The following FBXL19 variants were observed in gnomAD, a reference collection of about 807,000 sequenced individuals.
FBXL19 encodes the protein F-box/LRR-repeat protein 19.
FBXL19 carries 16 observed loss-of-function variants against 71.2 expected under a neutral mutation model. That is an observed-to-expected ratio of 0.22 (90% confidence interval 0.15 to 0.34). FBXL19 has a LOEUF of 0.34. FBXL19 is among the 10% of genes least tolerant of loss of function. The pLI is 1.00. For synonymous variants in FBXL19, 447 were observed against 409.4 expected (o/e 1.09, Z -1.11); for missense variants, 658 against 968.2 (o/e 0.68, Z 4.25).
Position 30,930,034 on chromosome 16 carries a change from C to A in FBXL19, c.790-39C>A, listed in dbSNP as rs1260922734. On this transcript the variant is annotated intron_variant, in intron 6 of 10. Transcript: ENST00000338343. The surrounding 1 kb of genome is among the most constrained non-coding windows in gnomAD (Gnocchi z 8.5). ...GGGGTAGGGGGGTGGGAAAATGTAT[C>A]CCAGGCCCTAGAACAGCATCAACCC... The A allele has an allele frequency of 1.9e-6, 3 of 1,580,474 alleles. No homozygotes were observed. Among genetic ancestry groups the A allele is most frequent in the South Asian group, 1.2e-5 (1 of 86,818 alleles).
chr16:30,933,370 C>T (rs1177975540), intron 7 of FBXL19, among the ~76,000 whole-genome samples: 1 of 152,100 alleles, frequency 6.6e-6, no homozygotes, highest in Admixed American at 6.5e-5. Context: ...AACTCCTGAC[C>T]TCAGGTGATT....
chr16:30,925,624 G>A lies in FBXL19; in HGVS notation c.-24-107G>A. 1 of 1,240,146 alleles carries A rather than the reference G, an allele frequency of 8.1e-7. No individual in the cohort carries two copies. Among genetic ancestry groups the A allele is most frequent in the Non-Finnish European group, 1.0e-6 (1 of 957,034 alleles). The allele number at this position is 1,240,146 out of a possible 1,614,324, so 76.8% of individuals were successfully genotyped here. A position where few individuals can be genotyped will look rare whatever the true frequency, so the allele number is the denominator to read the frequency against. Reference sequence around the variant, plus strand: ...AAGGGGGTGACCTCCTTGTCCCCCTGAGGAAGAGGGCAGGCTCTAGCTGCC... The same window carrying A: ...AAGGGGGTGACCTCCTTGTCCCCCTAAGGAAGAGGGCAGGCTCTAGCTGCC... On this transcript the variant is annotated intron_variant, in intron 1 of 10. Transcript: ENST00000338343. This position sits in a 1 kb window ranked among gnomAD's most constrained non-coding sequence, Gnocchi z 5.0.
chr16:30,922,878 G>A (rs932649997), upstream of FBXL19: 2 of 375,204 alleles, frequency 5.3e-6, no homozygotes, highest in Admixed American at 6.0e-5. Flanking sequence ...CGGGCGAGGT[G>A]CCCAAGGTGG....
At position 30,931,987 on chromosome 16, in the gene FBXL19, C is replaced by T. The variant is rs546642165; in HGVS notation, c.1301+1403C>T. ...AACTCCTGACCTGAAGCGATCCGCC[C>T]GCCTCAGCCTCCCAAAGTGCTGGGA... On this transcript the variant is annotated intron_variant, in intron 7 of 10. Transcript: ENST00000338343. Among the ~76,000 whole-genome samples the T allele has an allele frequency of 9.9e-5, 15 of 151,758 alleles. No homozygotes were observed. The South Asian group carries it at 1.7e-3, about 17-fold the overall frequency.
In FBXL19 at chr16:30,942,233, A is replaced by G. The variant is rs1377071973; in HGVS notation, c.1419A>G (p.Thr473=). 4 of 1,594,168 alleles carry G rather than the reference A, an allele frequency of 2.5e-6. No individual in the cohort carries two copies. The South Asian group carries it at 3.4e-5, about 14-fold the overall frequency. ...RQPRALDLSW[T]GVSKKQLMWL... ...CCCGTGCCCTGGACCTCAGCTGGAC[A>G]GGTGTCTCCAAGAAGCAGCTCATGT... Residue 473 remains threonine, a synonymous_variant, in exon 8 of 11, where the codon ACA becomes ACG. Coordinates refer to ENST00000338343, the MANE Select transcript of FBXL19 (RefSeq NM_001382779.1). The surrounding 1 kb of genome is among the most constrained non-coding windows in gnomAD (Gnocchi z 5.7).
In FBXL19 at chr16:30,948,354, A is replaced by T. The variant is rs190307759; in HGVS notation, c.*1124A>T. ...AATAGCAGCCAACGGACACCTCCCGATGCCAGTGCTAAGGCTGGAAATGGC... is the reference window on the plus strand; with the variant it reads ...AATAGCAGCCAACGGACACCTCCCGTTGCCAGTGCTAAGGCTGGAAATGGC... On this transcript the variant is annotated 3_prime_UTR_variant, in exon 11 of 11. Transcript: ENST00000338343. The T allele has an allele frequency of 6.5e-6, 1 of 152,816 alleles. No individual in the cohort carries two copies. The highest frequency in any genetic ancestry group is 1.5e-5 in the Non-Finnish European group (1 of 68,284). 9.5% of individuals were successfully genotyped at this position (152,816 alleles called of 1,614,324 possible).
chr16:30,938,853 G>C (rs2055766988), intron 7 of FBXL19, among the ~76,000 whole-genome samples: 1 of 151,874 alleles, frequency 6.6e-6, no homozygotes. Context: ...AGCCAGGATG[G>C]TCTCCATCTC....
Position 30,947,069 on chromosome 16 carries a change from G to GACCACTGCC in FBXL19, c.1865_1873dup (p.Cys624_Leu625insHisHisCys). On this transcript the variant is annotated inframe_insertion, in exon 11 of 11. Transcript: ENST00000338343. ...ATCCCCAGGTTGCCACCGCCTAACGGACCACTGCCTCCCGCTGTTCCGCCG... is the reference window on the plus strand; with the variant it reads ...ATCCCCAGGTTGCCACCGCCTAACGGACCACTGCCACCACTGCCTCCCGCTGTTCCGCCG... 1 of 1,595,374 alleles carries GACCACTGCC rather than the reference G, an allele frequency of 6.3e-7. No homozygotes were observed. Among genetic ancestry groups the GACCACTGCC allele is most frequent in the Non-Finnish European group, 8.5e-7 (1 of 1,175,000 alleles).
intron 5 of FBXL19, among the ~76,000 whole-genome samples, chr16:30,928,260 G>A (rs1347783236): frequency 6.6e-6 from 1 of 152,058 alleles, no homozygotes; most frequent in African/African-American, 2.4e-5. Context: ...GGAGGGGCTG[G>A]AGAGGGCCTG....
intron 5 of FBXL19, 118 bp downstream of exon 5, chr16:30,928,081 T>C: frequency 3.0e-6 from 2 of 660,438 alleles, no homozygotes; most frequent in Non-Finnish European, 4.9e-6. Flanking sequence ...CCCCAAGGAC[T>C]GTTGGGAGAT....
At chr16:30,924,511 C>CA (rs2143298121) in intron 1 of FBXL19, 52 bp downstream of exon 1, 1 of 845,168 alleles carries the variant, frequency 1.2e-6, no homozygotes, top group East Asian at 3.4e-5. Flanking sequence ...CGCCCACTCC[C>CA]ATTCATCCTC....
chr16:30,944,293 T>C lies in FBXL19; in HGVS notation c.1627+1757T>C, dbSNP rs192410930. Reference sequence around the variant, plus strand: ...TGTCATGGGGGTTTGTTGTACCGATTATTTCATCACCCAGGTATTAAGTCT... The same window carrying C: ...TGTCATGGGGGTTTGTTGTACCGATCATTTCATCACCCAGGTATTAAGTCT... On this transcript the variant is annotated intron_variant, in intron 9 of 10. Coordinates refer to ENST00000338343, the MANE Select transcript of FBXL19 (RefSeq NM_001382779.1). 1.6e-4 allele frequency among the ~76,000 whole-genome samples: 25 copies of C among 151,706 alleles called. No individual in the cohort carries two copies. The East Asian group carries it at 4.7e-3, about 28-fold the overall frequency.
intron 6 of FBXL19, among the ~76,000 whole-genome samples, chr16:30,929,592 T>C (rs1463195741): frequency 6.6e-6 from 1 of 152,226 alleles, no homozygotes; most frequent in Non-Finnish European, 1.5e-5. Context: ...AGAGTCTCGC[T>C]CTGTCGCCCG....
intron 6 of FBXL19, among the ~76,000 whole-genome samples, chr16:30,929,191 TG>T (rs1457021941): frequency 6.6e-6 from 1 of 152,204 alleles, no homozygotes; most frequent in Non-Finnish European, 1.5e-5. Context: ...TCCGCCTGAT[TG>T]GGTCCAAATC....
At chr16:30,944,169 C>CTTTTTT (rs761103868) in intron 9 of FBXL19, among the ~76,000 whole-genome samples, 2 of 62,938 alleles carry the variant, frequency 3.2e-5, no homozygotes, top group African/African-American at 6.7e-5. Context: ...GAAGGTGGGC[C>CTTTTTT]TTTTTTTTTT....
rs1329407438 is a variant in FBXL19, at chr16:30,927,593, C to T, written c.342C>T (p.Val114=). ...TACAGATGGGGAAGGCTGAGGGTGT[C>T]ATCAATGCAGAGATCCCCAACTGCT... ...GCLKMGKAEG[V]INAEIPNCWE... is the part of the protein sequence containing the mutation. The change falls in exon 4 of 11, where the codon GTC becomes GTT. Residue 114 remains valine, a synonymous_variant. Coordinates refer to ENST00000338343, the MANE Select transcript of FBXL19 (RefSeq NM_001382779.1). The T allele has an allele frequency of 6.4e-7, 1 of 1,560,508 alleles. No homozygotes were observed.
intron 1 of FBXL19, chr16:30,924,737 G>A (rs763583526): frequency 8.0e-6 from 12 of 1,497,576 alleles, no homozygotes; most frequent in Non-Finnish European, 1.1e-5. Flanking sequence ...CCATGGATGG[G>A]TATGAAAGTC....
intron 7 of FBXL19, among the ~76,000 whole-genome samples, chr16:30,939,767 G>A (rs967449322): frequency 3.3e-5 from 5 of 152,036 alleles, no homozygotes; most frequent in East Asian, 1.9e-4. Context: ...GATAAATCAT[G>A]TTACGCAGAT....
rs1274318655 is a variant in FBXL19, at chr16:30,927,904, G to A, written c.568G>A (p.Gly190Arg). Residue 190 changes from glycine to arginine, a missense_variant, in exon 5 of 11, where the codon GGG (glycine) becomes AGG (arginine). Physicochemically the swap from Gly to Arg is moderately radical, Grantham distance 125 (BLOSUM62 -2). Around this residue, in one of 8 missense-constraint regions of FBXL19, gnomAD observed 447 missense variants for 515.4 expected, o/e 0.87. Transcript: ENST00000338343. ...CGGGCCCCCCCCGGAGGACGTGCCT[G>A]GGCCCCCCAAACGAAAGGAAAGGGA... ...PAGPPPEDVP[G>R]PPKRKEREAG... 6.5e-7 allele frequency: 1 copy of A among 1,543,474 alleles called. No individual in the cohort carries two copies. Among genetic ancestry groups the A allele is most frequent in the Non-Finnish European group, 8.7e-7 (1 of 1,151,974 alleles).
Sources: gnomAD v4.1 joint callset for allele counts (sites outside exome capture counted in the v4.1 genomes callset) on GRCh38, gnomAD v4.1.1 for gene constraint, gnomAD v4.1.1 regional missense constraint, Gnocchi (gnomAD v3.1) non-coding constraint, MANE v1.5 for transcripts, NCBI Gene and HGNC (gene_info 2026-07-23, HGNC 2026-07-21) for gene names.